POLD2: variants seen among roughly 807,000 people sequenced by gnomAD.
The protein encoded by POLD2 is DNA polymerase delta 2, accessory subunit, also known as DNA polymerase delta subunit 2.
In POLD2, 31 loss-of-function variants were observed where a neutral mutation model predicts 48.8. That is an observed-to-expected ratio of 0.64 (90% CI 0.48 to 0.86). The LOEUF (loss-of-function observed/expected upper bound fraction) is 0.86, where lower values mean the gene tolerates loss of function less well. Ranked by LOEUF, POLD2 falls within the 40% of genes least tolerant of loss-of-function variation. The pLI is 0.00. For synonymous variants in POLD2, 233 were observed against 256.3 expected (o/e 0.91, Z 0.87); for missense variants, 455 against 610.1 (o/e 0.75, Z 2.68).
In POLD2 at chr7:44,121,847, G is replaced by A. The variant is rs2096248570; in HGVS notation, c.207C>T (p.Ala69=). 1 of 1,612,854 alleles carries A rather than the reference G, an allele frequency of 6.2e-7. No homozygotes were observed. The highest frequency in any genetic ancestry group is 8.5e-7 in the Non-Finnish European group (1 of 1,179,890). ...IQMRPFLENR[A]QQHWGSGVGV... is the part of the protein sequence containing the mutation. The stretch of plus-strand genomic sequence containing the variant: ...ACTCTCACTTACCCCAGTGCTGCTG[G>A]GCCCGGTTCTCCAGGAAGGGTCTCA... Residue 69 remains alanine, a synonymous_variant, in exon 2 of 11, where the codon GCC becomes GCT. Transcript: ENST00000610533. The surrounding 1 kb of genome is among the most constrained non-coding windows in gnomAD (Gnocchi z 4.5).
Position 44,117,218 on chromosome 7 carries a change from T to A in POLD2, c.496A>T (p.Arg166Ter). The part of the protein sequence containing the change: ...GTVLAVFGSV[R>*]DDGKFLVEDY... ...TCCACCAGAAACTTCCCGTCGTCTC[T>A]CACGGAGCCAAACACAGCCAGGACA... The change falls in exon 5 of 11, where the codon AGA becomes TGA. Residue 166 changes from arginine to a stop codon, truncating the protein, a stop_gained. Coordinates refer to ENST00000610533, the MANE Select transcript of POLD2 (RefSeq NM_006230.4). LOFTEE classifies it high-confidence loss of function. 1 of 1,613,864 alleles carries A rather than the reference T, an allele frequency of 6.2e-7. No individual in the cohort carries two copies. Among genetic ancestry groups the A allele is most frequent in the South Asian group, 1.1e-5 (1 of 91,018 alleles).
chr7:44,117,795 C>G (rs1398032975), intron 3 of POLD2, 53 bp from the exon 4 acceptor site: 1 of 1,611,812 alleles, frequency 6.2e-7, no homozygotes. Context: ...CACCAAAGCT[C>G]TGGTGTTAGT....
In POLD2 at chr7:44,119,167, C is replaced by T. The variant is rs569303109; in HGVS notation, c.221-1103G>A. On this transcript the variant is annotated intron_variant, in intron 2 of 10. Coordinates refer to ENST00000610533, the MANE Select transcript of POLD2 (RefSeq NM_006230.4). The stretch of plus-strand genomic sequence containing the variant: ...GGCACCGTCTTCCCCAGCCCCTTCC[C>T]GGGATCCTAGGTATGAACAAGAACA... Among the ~76,000 whole-genome samples the T allele has an allele frequency of 1.8e-4, 27 of 152,212 alleles. No homozygotes were observed. In the East Asian group the frequency reaches 5.2e-3, roughly 29 times the overall value.
chr7:44,117,042 G>C (rs771610053), intron 5 of POLD2, 27 bp from the exon 6 acceptor site: 1 of 1,611,302 alleles, frequency 6.2e-7, no homozygotes, highest in South Asian at 1.1e-5. Context: ...GGTCCTCCAG[G>C]GTGCCGAGAA....
intron 2 of POLD2, 40 bp from the exon 3 acceptor site, chr7:44,118,104 C>T (rs777591454): frequency 1.2e-6 from 2 of 1,607,664 alleles, no homozygotes; most frequent in East Asian, 2.2e-5. Flanking sequence ...TGAAGTAGCC[C>T]CCCCGCCCGA....
At chr7:44,115,192 G>A in intron 10 of POLD2, 103 bp downstream of exon 10, 1 of 878,836 alleles carries the variant, frequency 1.1e-6, no homozygotes, top group Admixed American at 1.8e-5. Context: ...ATCCCACAAG[G>A]GCCAGGGGGA....
Position 44,118,008 on chromosome 7 carries a change from C to A in POLD2, c.277G>T (p.Val93Leu), listed in dbSNP as rs1226603623. The change falls in exon 3 of 11, where the codon GTG (valine) becomes TTG (leucine). Residue 93 changes from valine to leucine, a missense_variant. Val to Leu is a conservative substitution (Grantham distance 32). This residue lies in a region of POLD2 where 349 missense variants were observed against 437.4 expected (regional missense o/e 0.80). Transcript: ENST00000610533. ...ATGGCCTTGAACAGAGTGCCCACCA[C>A]ACAGCACTTCTCCTCAGGCTGCAGT... ...CELQPEEKCC[V>L]VGTLFKAMPL... 2 of 1,614,232 alleles carry A rather than the reference C, an allele frequency of 1.2e-6. No individual in the cohort carries two copies. The highest frequency in any genetic ancestry group is 2.2e-5 in the East Asian group (1 of 44,884).
intron 2 of POLD2, among the ~76,000 whole-genome samples, chr7:44,119,209 C>G (rs1337647607): frequency 1.3e-5 from 2 of 152,120 alleles, no homozygotes; most frequent in African/African-American, 4.8e-5. Context: ...AGGGGCTTGG[C>G]ACTCTCGAGA....
intron 9 of POLD2, 28 bp from the exon 10 acceptor site, chr7:44,115,424 G>T: frequency 7.1e-7 from 1 of 1,409,206 alleles, no homozygotes; most frequent in Non-Finnish European, 1.0e-6. Context: ...GCTCTGAGGA[G>T]GGTTCCGCCT....
At chr7:44,115,618 C>T in intron 9 of POLD2, 148 bp downstream of exon 9, 1 of 925,158 alleles carries the variant, frequency 1.1e-6, no homozygotes, top group Non-Finnish European at 1.6e-6. Context: ...GAGTAGCTTC[C>T]AGAGCAGGTG....
chr7:44,118,144 C>G, intron 2 of POLD2, 80 bp from the exon 3 acceptor site: 20 of 1,508,594 alleles, frequency 1.3e-5, no homozygotes, highest in Non-Finnish European at 1.8e-5. Context: ...GCCCAGCACT[C>G]CATGAGAGGC....
At chr7:44,120,439 G>A (rs748311321) in intron 2 of POLD2, among the ~76,000 whole-genome samples, 9 of 152,192 alleles carry the variant, frequency 5.9e-5, no homozygotes, top group Non-Finnish European at 2.9e-5. Flanking sequence ...AAAAGCTACC[G>A]GAGCCGCAGG....
intron 2 of POLD2, 109 bp from the exon 3 acceptor site, chr7:44,118,173 C>A: frequency 7.5e-7 from 1 of 1,332,444 alleles, no homozygotes; most frequent in Non-Finnish European, 1.0e-6. Flanking sequence ...GGGCCCTGGC[C>A]TTGCCAGGAG....
intron 10 of POLD2, 103 bp from the exon 11 acceptor site, chr7:44,115,048 G>T: frequency 1.9e-6 from 2 of 1,063,682 alleles, no homozygotes; most frequent in Non-Finnish European, 2.7e-6. Context: ...ACACAGTGGG[G>T]CAGTGACAAT....
chr7:44,122,424 G>T, intron 1 of POLD2: 1 of 1,088,444 alleles, frequency 9.2e-7, no homozygotes, highest in Non-Finnish European at 1.1e-6. Flanking sequence ...GCCCCAAATG[G>T]AATTCCCGAT....
intron 2 of POLD2, 191 bp from the exon 3 acceptor site, chr7:44,118,255 G>A: frequency 1.7e-6 from 1 of 588,002 alleles, no homozygotes; most frequent in Non-Finnish European, 2.9e-6. Flanking sequence ...AGGAGACCAG[G>A]GACTCTGGGT....
upstream of POLD2, chr7:44,123,718 T>C (rs934390633): frequency 1.5e-6 from 2 of 1,344,600 alleles, no homozygotes; most frequent in African/African-American, 3.1e-5. Context: ...ACACCCTCGG[T>C]TTCCTGGGCA....
chr7:44,118,605 C>T (rs963317045), intron 2 of POLD2, among the ~76,000 whole-genome samples: 3 of 152,242 alleles, frequency 2.0e-5, no homozygotes, highest in East Asian at 1.9e-4. Context: ...CTCCGCCTCC[C>T]GGGTTCACGC....
chr7:44,115,721 GCCT>G (rs777203802), intron 9 of POLD2, 42 bp downstream of exon 9: 2 of 1,601,976 alleles, frequency 1.2e-6, no homozygotes, highest in East Asian at 2.2e-5. Context: ...GTCCTGCCAG[GCCT>G]CCTGGCCCTC....
Sources: gnomAD v4.1 joint callset for allele counts (sites outside exome capture counted in the v4.1 genomes callset) on GRCh38, gnomAD v4.1.1 for gene constraint, gnomAD v4.1.1 regional missense constraint, Gnocchi (gnomAD v3.1) non-coding constraint, MANE v1.5 for transcripts, NCBI Gene and HGNC (gene_info 2026-07-23, HGNC 2026-07-21) for gene names.